Variants in TOMM20L observed in about 807,000 individuals in gnomAD.
The protein encoded by TOMM20L is TOMM20-like protein 1.
A neutral mutation model predicts 20.4 loss-of-function variants in TOMM20L; 19 were observed. The ratio of observed to expected loss-of-function variants is 0.93; its 90% CI spans 0.65 to 1.36. The LOEUF is 1.36. TOMM20L is among the 40% of genes most tolerant of loss of function. The probability of loss-of-function intolerance (pLI) is 0.00; values close to 1 mark genes in which losing one functional copy is unlikely to be tolerated. For missense variants in TOMM20L, 218 were observed against 203.7 expected (o/e 1.07, Z -0.43); for synonymous variants, 75 against 79.6 (o/e 0.94, Z 0.30).
At chr14:58,408,804 T>C (rs777006486), downstream of TOMM20L, 8 of 688,600 alleles carry the variant, frequency 1.2e-5, no homozygotes, top group South Asian at 1.8e-4. Context: ...TCATAAGGCC[T>C]CAACAAATGT....
downstream of TOMM20L, among the ~76,000 whole-genome samples, chr14:58,412,457 A>C (rs920898784): frequency 1.3e-5 from 2 of 152,172 alleles, no homozygotes; most frequent in Non-Finnish European, 2.9e-5. Context: ...TAGATTTTCT[A>C]ATGCTAGTTT....
chr14:58,398,093 C>T (rs2035949525), intron 2 of TOMM20L, among the ~76,000 whole-genome samples: 1 of 152,092 alleles, frequency 6.6e-6, no homozygotes, highest in African/African-American at 2.4e-5. Context: ...AGGGAGTGTC[C>T]AAAGAGCTGG....
At chr14:58,409,188 A>T (rs1482289158), downstream of TOMM20L, 1 of 1,603,514 alleles carries the variant, frequency 6.2e-7, no homozygotes, top group Non-Finnish European at 8.5e-7. Context: ...AAAAGGGAAG[A>T]TCCAAGAGGC....
the TOMM20L span, among the ~76,000 whole-genome samples, chr14:58,416,522 C>T: frequency 6.6e-6 from 1 of 152,116 alleles, no homozygotes; most frequent in Admixed American, 6.5e-5. Flanking sequence ...ACCAGCATAG[C>T]TACCTAAAAT....
intron 3 of TOMM20L, among the ~76,000 whole-genome samples, chr14:58,403,892 ATT>A (rs1382257127): frequency 1.3e-5 from 2 of 150,262 alleles, no homozygotes; most frequent in African/African-American, 2.4e-5. Context: ...TTCCAGATGG[ATT>A]TGAGAAAACT....
downstream of TOMM20L, among the ~76,000 whole-genome samples, chr14:58,413,536 G>A (rs900517289): frequency 3.9e-5 from 6 of 152,058 alleles, no homozygotes; most frequent in Admixed American, 1.3e-4. Flanking sequence ...CTAACGTGGC[G>A]GCAACAGGGA....
chr14:58,403,594 T>C (rs1276101337), intron 3 of TOMM20L, among the ~76,000 whole-genome samples: 2 of 152,026 alleles, frequency 1.3e-5, no homozygotes, highest in East Asian at 3.9e-4. Flanking sequence ...ATCCCAGCAC[T>C]TTGGGAGGCC....
At chr14:58,399,763 T>A (rs1348877337) in intron 2 of TOMM20L, among the ~76,000 whole-genome samples, 1 of 151,482 alleles carries the variant, frequency 6.6e-6, no homozygotes, top group Non-Finnish European at 1.5e-5. Flanking sequence ...TGCCTACTCC[T>A]GTTTCCTTAT....
downstream of TOMM20L, chr14:58,410,936 A>C (rs752384712): frequency 3.4e-5 from 54 of 1,609,016 alleles, no homozygotes; most frequent in Non-Finnish European, 4.4e-5. Context: ...GAAATTCCTT[A>C]AACTACAAAC....
downstream of TOMM20L, chr14:58,412,167 G>A (rs890812633): frequency 1.5e-5 from 7 of 454,594 alleles, no homozygotes; most frequent in Admixed American, 3.6e-5. Flanking sequence ...TTTTTGAGAC[G>A]GAGTCTCACT....
At chr14:58,412,118 C>A (rs1053537641), downstream of TOMM20L, 7 of 589,048 alleles carry the variant, frequency 1.2e-5, no homozygotes, top group South Asian at 1.5e-4. Flanking sequence ...TCATTAATGA[C>A]CATAGAACCT....
chr14:58,413,702 A>G (rs1434579540), downstream of TOMM20L, among the ~76,000 whole-genome samples: 4 of 152,314 alleles, frequency 2.6e-5, no homozygotes, highest in East Asian at 7.7e-4. Flanking sequence ...TGAGCATTTC[A>G]TATAAAAGAT....
intron 2 of TOMM20L, among the ~76,000 whole-genome samples, chr14:58,402,112 G>A (rs745665483): frequency 6.6e-6 from 1 of 152,078 alleles, no homozygotes; most frequent in Non-Finnish European, 1.5e-5. Flanking sequence ...ATGTGGCTGG[G>A]TAAAATTTGG....
In TOMM20L at chr14:58,404,120, T is replaced by TATATTTTTA; in HGVS notation, c.262+1359_262+1360insATATTTTTA. 8.8e-4 allele frequency among the ~76,000 whole-genome samples: 3 copies of TATATTTTTA among 3,392 alleles called. 1 individual carries two copies. The highest frequency in any genetic ancestry group is 1.5e-3 in the African/African-American group (3 of 1,990). The allele number at this position is 3,392 out of a possible 152,430, so 2.2% of individuals were successfully genotyped here. On this transcript the variant is annotated intron_variant, in intron 3 of 4. Coordinates refer to ENST00000360945, the MANE Select transcript of TOMM20L (RefSeq NM_207377.3). ...ATATGTATATATATATATATATATA[T>TATATTTTTA]TTTTTTTTTTTTTTTTTTTTTTTTT...
intron 3 of TOMM20L, among the ~76,000 whole-genome samples, chr14:58,403,621 G>T (rs2036017224): frequency 6.6e-6 from 1 of 152,056 alleles, no homozygotes; most frequent in Non-Finnish European, 1.5e-5. Context: ...GGCGGATCAT[G>T]AGGTCAGGAG....
intron 3 of TOMM20L, among the ~76,000 whole-genome samples, chr14:58,406,904 A>AT (rs1263096174): frequency 6.6e-6 from 1 of 151,836 alleles, no homozygotes; most frequent in Non-Finnish European, 1.5e-5. Context: ...AGTGAAATCT[A>AT]TTTTTTTTAA....
chr14:58,402,680 T>A lies in TOMM20L; in HGVS notation c.181T>A (p.Leu61Met), dbSNP rs767921360. The change falls in exon 3 of 5, where the codon TTG (leucine) becomes ATG (methionine). Residue 61 changes from leucine to methionine, a missense_variant and splice_region_variant. Leu to Met is a conservative substitution (Grantham distance 15). Coordinates refer to ENST00000360945, the MANE Select transcript of TOMM20L (RefSeq NM_207377.3). ...GTTGAATATTTTATGAATATTTTAG[T>A]TGTGGGATCCAACGAAGAATAAAAA... ...PQKAEEQGTQ[L>M]WDPTKNKKLQ... The A allele has an allele frequency of 6.2e-7, 1 of 1,610,324 alleles. No individual in the cohort carries two copies. The highest frequency in any genetic ancestry group is 1.1e-5 in the South Asian group (1 of 90,974).
intron 4 of TOMM20L, among the ~76,000 whole-genome samples, chr14:58,407,867 T>C (rs1417828717): frequency 6.6e-6 from 1 of 152,224 alleles, no homozygotes; most frequent in East Asian, 1.9e-4. Context: ...ACTTCCATTT[T>C]ACTAAACTGC....
chr14:58,404,117 A>ATTTTTT (rs1198718876), intron 3 of TOMM20L, among the ~76,000 whole-genome samples: 5 of 13,458 alleles, frequency 3.7e-4, no homozygotes, highest in African/African-American at 8.0e-4. Flanking sequence ...ATATATATAT[A>ATTTTTT]TATTTTTTTT....
Sources: allele counts gnomAD v4.1 joint callset (sites outside exome capture counted in the v4.1 genomes callset), GRCh38; gene constraint gnomAD v4.1.1; transcripts MANE v1.5; gene names NCBI Gene and HGNC (gene_info 2026-07-23, HGNC 2026-07-21).